The following ADAMTS2 variants were observed in gnomAD, a reference collection of about 807,000 sequenced individuals.
ADAMTS2 encodes the protein A disintegrin and metalloproteinase with thrombospondin motifs 2.
In ADAMTS2, 50 loss-of-function variants were observed where a neutral mutation model predicts 123.0. That is an observed-to-expected ratio of 0.41 (90% CI 0.32 to 0.51). The LOEUF (loss-of-function observed/expected upper bound fraction) is 0.51, where lower values mean the gene tolerates loss of function less well. Among genes scored for constraint, ADAMTS2 ranks in the 20% least tolerant of loss-of-function variants. ADAMTS2 has a pLI of 0.35. For synonymous variants in ADAMTS2, 678 were observed against 695.4 expected, an observed-to-expected ratio of 0.98 and a Z score of 0.39; for missense variants, 1,494 against 1,705.2, an observed-to-expected ratio of 0.88 and a Z score of 2.18.
At chr5:179,322,564 A>G (rs1417048740) in intron 2 of ADAMTS2, among the ~76,000 whole-genome samples, 2 of 152,204 alleles carry the variant, frequency 1.3e-5, no homozygotes, top group African/African-American at 2.4e-5. Flanking sequence ...AGACGCGAGG[A>G]GGCCGTGAGC....
At chr5:179,123,560 G>A (rs543730473) in intron 19 of ADAMTS2, among the ~76,000 whole-genome samples, 26 of 152,120 alleles carry the variant, frequency 1.7e-4, no homozygotes, top group Non-Finnish European at 3.7e-4. Context: ...CGAGGAGCAG[G>A]GAGTACAGGC....
intron 5 of ADAMTS2, among the ~76,000 whole-genome samples, chr5:179,173,781 C>T (rs947250704): frequency 1.8e-4 from 27 of 152,036 alleles, no homozygotes; most frequent in Non-Finnish European, 3.4e-4. Context: ...TTTGGGAGGC[C>T]GAGGCGGATC....
intron 3 of ADAMTS2, among the ~76,000 whole-genome samples, chr5:179,223,591 CA>C (rs1765195128): frequency 6.6e-6 from 1 of 151,258 alleles, no homozygotes; most frequent in African/African-American, 2.4e-5. Context: ...CGCATGCACT[CA>C]CGCGTGAATG....
At chr5:179,288,418 G>A (rs1002216702) in intron 2 of ADAMTS2, among the ~76,000 whole-genome samples, 1 of 152,228 alleles carries the variant, frequency 6.6e-6, no homozygotes, top group African/African-American at 2.4e-5. Flanking sequence ...ATCCTGTCTG[G>A]TTTATTTATG....
At chr5:179,159,870 A>G (rs1763562354) in intron 5 of ADAMTS2, among the ~76,000 whole-genome samples, 1 of 152,134 alleles carries the variant, frequency 6.6e-6, no homozygotes, top group South Asian at 2.1e-4. Context: ...GACATACACA[A>G]TATCATTTCA....
chr5:179,289,949 G>C (rs1382508594), intron 2 of ADAMTS2, among the ~76,000 whole-genome samples: 1 of 152,214 alleles, frequency 6.6e-6, no homozygotes, highest in East Asian at 1.9e-4. Flanking sequence ...GGGAGGAAAC[G>C]GGAGAGACAC....
chr5:179,345,282 A>G lies in ADAMTS2; in HGVS notation c.47T>C (p.Leu16Pro), dbSNP rs112702284. ...CGGCAGCAGCAGCAGCAGCAGCAGCAGCGCGGGGCAGAGCAGGCGGCGAGC... is the reference window on the plus strand; with the variant it reads ...CGGCAGCAGCAGCAGCAGCAGCAGCGGCGCGGGGCAGAGCAGGCGGCGAGC... ...GAARRLLCPA[L>P]LLLLLLLPPP... is the part of the protein sequence containing the mutation. The change falls in exon 1 of 22, where the codon CTG becomes CCG. Residue 16 changes from leucine (L) to proline (P), a missense_variant. Coordinates refer to ENST00000251582, the MANE Select transcript of ADAMTS2 (RefSeq NM_014244.5). This position sits in a 1 kb window ranked among gnomAD's most constrained non-coding sequence, Gnocchi z 7.5. 1 of 1,152,322 alleles carries G rather than the reference A, an allele frequency of 8.7e-7. No homozygotes were observed. Among genetic ancestry groups the G allele is most frequent in the Non-Finnish European group, 1.1e-6 (1 of 941,028 alleles). 71.4% of individuals were successfully genotyped at this position (1,152,322 alleles called of 1,614,324 possible). A position where few individuals can be genotyped will look rare whatever the true frequency, so the allele number is the denominator to read the frequency against.
chr5:179,331,721 C>T (rs576826009), intron 2 of ADAMTS2, among the ~76,000 whole-genome samples: 3 of 152,250 alleles, frequency 2.0e-5, no homozygotes, highest in Non-Finnish European at 2.9e-5. Flanking sequence ...TTCTCCCTGT[C>T]GGCAGGGCTG....
At chr5:179,330,818 T>C (rs1757459837) in intron 2 of ADAMTS2, among the ~76,000 whole-genome samples, 1 of 146,124 alleles carries the variant, frequency 6.8e-6, no homozygotes, top group South Asian at 2.1e-4. Flanking sequence ...CAAGCCGCCC[T>C]ATCTGAGGTG....
chr5:179,280,756 G>A (rs748359163), intron 2 of ADAMTS2, among the ~76,000 whole-genome samples: 1 of 152,128 alleles, frequency 6.6e-6, no homozygotes, highest in Admixed American at 6.5e-5. Flanking sequence ...GCAGAGAGCT[G>A]GTAAAGATCT....
intron 3 of ADAMTS2, among the ~76,000 whole-genome samples, chr5:179,208,137 A>C (rs1764756940): frequency 2.0e-5 from 2 of 102,298 alleles, no homozygotes; most frequent in East Asian, 2.6e-4. Context: ...TGGAGTGGGC[A>C]GAGCCACCCC....
chr5:179,286,818 C>T (rs920870725), intron 2 of ADAMTS2, among the ~76,000 whole-genome samples: 30 of 152,244 alleles, frequency 2.0e-4, no homozygotes, highest in Middle Eastern at 3.4e-3. Context: ...CGGTTTCTCT[C>T]GAGGCCTCTC....
At chr5:179,318,375 G>A (rs1182224512) in intron 2 of ADAMTS2, among the ~76,000 whole-genome samples, 2 of 152,060 alleles carry the variant, frequency 1.3e-5, no homozygotes, top group African/African-American at 2.4e-5. Flanking sequence ...ACAGGGAGGA[G>A]AGGCGGGGCC....
At chr5:179,122,919 C>A in intron 19 of ADAMTS2, 146 bp from the exon 20 acceptor site, 1 of 1,260,244 alleles carries the variant, frequency 7.9e-7, no homozygotes, top group South Asian at 1.3e-5. Flanking sequence ...TTTCAGGTTG[C>A]CTTGCCCCAC....
chr5:179,235,927 G>A (rs1352335965), intron 3 of ADAMTS2, among the ~76,000 whole-genome samples: 1 of 152,198 alleles, frequency 6.6e-6, no homozygotes, highest in East Asian at 1.9e-4. Context: ...TCAGCCTCCT[G>A]TGACCACTCA....
chr5:179,280,857 C>CTTTTT (rs372561733), intron 2 of ADAMTS2, among the ~76,000 whole-genome samples: 1 of 151,964 alleles, frequency 6.6e-6, no homozygotes, highest in African/African-American at 2.4e-5. Context: ...AAGTTCAATG[C>CTTTTT]TTTTTTTCTT....
Position 179,111,693 on chromosome 5 carries a change from T to A in ADAMTS2, c.*2174A>T, listed in dbSNP as rs1260444106. The stretch of plus-strand genomic sequence containing the variant: ...CCCATCCAGAGGCCCCTAGGCTGGG[T>A]AAACCGAGTCATACTCTCTGCCTAG... On this transcript the variant is annotated 3_prime_UTR_variant, in exon 22 of 22. Transcript: ENST00000251582. 1 of 152,270 alleles carries A rather than the reference T, an allele frequency of 6.6e-6. No individual in the cohort carries two copies. The highest frequency in any genetic ancestry group is 1.9e-4 in the East Asian group (1 of 5,198). The allele number at this position is 152,270 out of a possible 1,614,324, so 9.4% of individuals were successfully genotyped here.
intron 3 of ADAMTS2, among the ~76,000 whole-genome samples, chr5:179,213,039 C>A (rs1764898403): frequency 6.8e-6 from 1 of 146,366 alleles, no homozygotes; most frequent in South Asian, 2.2e-4. Context: ...GCATGTTCTG[C>A]CCCCATCTGC....
Position 179,154,152 on chromosome 5 carries a change from C to T in ADAMTS2, c.1279G>A (p.Asp427Asn), listed in dbSNP as rs1240220055. Residue 427 changes from aspartate to asparagine, a missense_variant, in exon 8 of 22, where the codon GAC becomes AAC. Transcript: ENST00000251582. ...EHDGQGNRCG[D>N]EVRLGSIMAP... is the part of the protein sequence containing the mutation. ...ATGATGCTGCCCAGCCGCACCTCGT[C>T]GCCACAGCGGTTGCCCTGCCCGTCG... The T allele has an allele frequency of 2.5e-6, 4 of 1,576,448 alleles. No individual in the cohort carries two copies. Among genetic ancestry groups the T allele is most frequent in the African/African-American group, 1.3e-5 (1 of 74,498 alleles).
Sources: allele counts gnomAD v4.1 joint callset (sites outside exome capture counted in the v4.1 genomes callset), GRCh38; gene constraint gnomAD v4.1.1; non-coding constraint Gnocchi (gnomAD v3.1); transcripts MANE v1.5; gene names NCBI Gene and HGNC (gene_info 2026-07-23, HGNC 2026-07-21).